C4BPA: variants seen among roughly 807,000 people sequenced by gnomAD.
C4BPA encodes the protein complement component 4 binding protein alpha, also known as C4b-binding protein alpha chain.
Under a neutral mutation model 63.7 loss-of-function variants are expected in C4BPA, and 31 were observed. That is an observed-to-expected ratio of 0.49 (90% CI 0.37 to 0.66). The LOEUF is 0.66. C4BPA is among the 30% of genes least tolerant of loss of function. C4BPA has a pLI of 0.00. For missense variants in C4BPA, 572 were observed against 723.3 expected (o/e 0.79, Z 2.40); for synonymous variants, 259 against 254.7 (o/e 1.02, Z -0.16).
At chr1:207,135,014 G>A (rs1429197154) in intron 9 of C4BPA, among the ~76,000 whole-genome samples, 1 of 152,126 alleles carries the variant, frequency 6.6e-6, no homozygotes, top group Non-Finnish European at 1.5e-5. Context: ...CCATCACCCA[G>A]TGTAGAATGC....
intron 1 of C4BPA, among the ~76,000 whole-genome samples, chr1:207,105,447 C>T (rs1330749131): frequency 6.6e-6 from 1 of 150,446 alleles, no homozygotes; most frequent in East Asian, 2.0e-4. Flanking sequence ...ATCCCAGCTA[C>T]TTGGGAGGCT....
Position 207,124,381 on chromosome 1 carries a change from T to C in C4BPA, c.706+15T>C, listed in dbSNP as rs1374121784. 24 of 1,569,872 alleles carry C rather than the reference T, an allele frequency of 1.5e-5. No individual in the cohort carries two copies. The highest frequency in any genetic ancestry group is 6.7e-5 in the East Asian group (3 of 44,482). ...TACCTGTGAAAGTAAGTCATAATGA[T>C]GAATTCTGCATCAAAATGTTTGCTC... On this transcript the variant is annotated intron_variant, in intron 6 of 11. Coordinates refer to ENST00000367070, the MANE Select transcript of C4BPA (RefSeq NM_000715.4).
At position 207,114,576 on chromosome 1, in the gene C4BPA, C is replaced by T. The variant is rs575945535; in HGVS notation, c.328+291C>T. 1.7e-5 allele frequency: 4 copies of T among 236,632 alleles called. No homozygotes were observed. In the South Asian group the frequency reaches 1.8e-4, roughly 11 times the overall value. The allele number at this position is 236,632 out of a possible 1,614,324, so 14.7% of individuals were successfully genotyped here. ...TGGTGGAATCTTGGCTCCCTGCAAC[C>T]TCTGCCTCCTGGTTTCAAGTGACTC... is the stretch of plus-strand genomic sequence containing the variant. On this transcript the variant is annotated intron_variant, in intron 3 of 11. Coordinates refer to ENST00000367070, the MANE Select transcript of C4BPA (RefSeq NM_000715.4).
rs1684734272 is a variant in C4BPA at position 207,114,284 on chromosome 1, C to G, written c.327C>G (p.Ile109Met). 1.9e-6 allele frequency: 3 copies of G among 1,597,092 alleles called. No homozygotes were observed. In the East Asian group the frequency reaches 6.7e-5, roughly 36 times the overall value. Residue 109 changes from isoleucine to methionine, a missense_variant and splice_region_variant, in exon 3 of 12, where the codon ATC (isoleucine) becomes ATG (methionine). Ile to Met is a conservative substitution (Grantham distance 10). Coordinates refer to ENST00000367070, the MANE Select transcript of C4BPA (RefSeq NM_000715.4). ...AATGGGTGTATAACACCTTCTGTAT[C>G]TGTAAGTATCAACATTTATTTTTTT... ...DGEWVYNTFC[I>M]YKRCRHPGEL...
At chr1:207,111,689 A>ATACAT (rs1684670700) in intron 1 of C4BPA, among the ~76,000 whole-genome samples, 1 of 121,518 alleles carries the variant, frequency 8.2e-6, no homozygotes, top group Non-Finnish European at 1.7e-5. Flanking sequence ...TACCTTAGAT[A>ATACAT]TACATTACAT....
intron 9 of C4BPA, among the ~76,000 whole-genome samples, chr1:207,136,887 G>C (rs962492154): frequency 3.9e-5 from 6 of 152,142 alleles, no homozygotes; most frequent in Admixed American, 3.9e-4. Flanking sequence ...CTGGGAATTA[G>C]GGGCTGCAGT....
chr1:207,126,948 T>C (rs552801990), intron 7 of C4BPA, 53 bp downstream of exon 7: 42 of 1,367,246 alleles, frequency 3.1e-5, no homozygotes, highest in Non-Finnish European at 4.1e-5. Flanking sequence ...AGGTACCCCG[T>C]ACTGTTAATA....
In C4BPA at chr1:207,137,096, T is replaced by C. The variant is rs569414134; in HGVS notation, c.1273+2504T>C. Among the ~76,000 whole-genome samples the C allele has an allele frequency of 5.9e-5, 9 of 152,376 alleles. No homozygotes were observed. In the East Asian group the frequency reaches 9.6e-4, roughly 16 times the overall value. ...TTGCTTTGGCCACTTCTTCAGACTTTACCCTCTTGGGAAGATCCCCATGTA... is the reference window on the plus strand; with the variant it reads ...TTGCTTTGGCCACTTCTTCAGACTTCACCCTCTTGGGAAGATCCCCATGTA... On this transcript the variant is annotated intron_variant, in intron 9 of 11. Transcript: ENST00000367070.
rs757122192 is a variant in C4BPA at position 207,106,441 on chromosome 1, G to GTTTTTTTTTT, written c.-26+2018_-26+2027dup. ...CTGTCTTATTCCTTCCTCCGTGTAA[G>GTTTTTTTTTT]TTTTTTTTTTTTTTTTGAAACGGAG... On this transcript the variant is annotated intron_variant, in intron 1 of 11. Transcript: ENST00000367070. Among the ~76,000 whole-genome samples, 125 of 118,418 alleles carry GTTTTTTTTTT rather than the reference G, an allele frequency of 1.1e-3. 3 individuals are homozygous for GTTTTTTTTTT. Among genetic ancestry groups the GTTTTTTTTTT allele is most frequent in the Middle Eastern group, 4.9e-3 (1 of 206 alleles). 77.7% of individuals were successfully genotyped at this position (118,418 alleles called of 152,430 possible).
At chr1:207,129,648 G>C (rs1276781946) in intron 7 of C4BPA, among the ~76,000 whole-genome samples, 1 of 152,130 alleles carries the variant, frequency 6.6e-6, no homozygotes, top group Non-Finnish European at 1.5e-5. Context: ...AGAAAGAATG[G>C]AGGCTAGAAA....
chr1:207,135,569 T>C (rs1042927718), intron 9 of C4BPA, among the ~76,000 whole-genome samples: 3 of 152,142 alleles, frequency 2.0e-5, no homozygotes, highest in Non-Finnish European at 4.4e-5. Flanking sequence ...TTCAGAGATG[T>C]GAAGCACAAA....
Position 207,113,217 on chromosome 1 carries a change from CT to C in C4BPA, c.142+51del, listed in dbSNP as rs753870406. Reference sequence around the variant, plus strand: ...ATCAGCAACAAACAATGAAGATCATCTGTGCATTCACTTTTAAGGCTAAAAA... The same window carrying C: ...ATCAGCAACAAACAATGAAGATCATCGTGCATTCACTTTTAAGGCTAAAAA... On this transcript the variant is annotated intron_variant, in intron 2 of 11. Coordinates refer to ENST00000367070, the MANE Select transcript of C4BPA (RefSeq NM_000715.4). 5 of 1,582,122 alleles carry C rather than the reference CT, an allele frequency of 3.2e-6. No homozygotes were observed. The African/African-American group carries it at 6.9e-5, about 22-fold the overall frequency.
intron 9 of C4BPA, 28 bp from the exon 10 acceptor site, chr1:207,141,076 GCT>G: frequency 6.3e-7 from 1 of 1,577,024 alleles, no homozygotes; most frequent in Non-Finnish European, 8.7e-7. Context: ...ACAAACTAAT[GCT>G]CTCTCACTTT....
chr1:207,122,204 T>C (rs1684934861), intron 4 of C4BPA, among the ~76,000 whole-genome samples: 1 of 152,142 alleles, frequency 6.6e-6, no homozygotes, highest in East Asian at 1.9e-4. Flanking sequence ...CTATGGTGGT[T>C]TCCAAAAAAA....
chr1:207,137,549 A>T (rs949710111), intron 9 of C4BPA, among the ~76,000 whole-genome samples: 1 of 152,228 alleles, frequency 6.6e-6, no homozygotes, highest in Non-Finnish European at 1.5e-5. Context: ...TATTATCAGA[A>T]GAAAGGAATA....
intron 3 of C4BPA, 26 bp from the exon 4 acceptor site, chr1:207,115,390 A>C: frequency 7.9e-7 from 1 of 1,263,810 alleles, no homozygotes; most frequent in Non-Finnish European, 1.1e-6. Context: ...TGGAAGTACT[A>C]ATCATCATTT....
chr1:207,143,783 T>G (rs763343030), intron 10 of C4BPA, 35 bp from the exon 11 acceptor site: 20 of 1,466,800 alleles, frequency 1.4e-5, no homozygotes, highest in Non-Finnish European at 1.9e-5. Flanking sequence ...TCTTCATAGA[T>G]TTACAGATTT....
chr1:207,126,097 G>T (rs911698074), intron 6 of C4BPA, among the ~76,000 whole-genome samples: 1 of 151,986 alleles, frequency 6.6e-6, no homozygotes, highest in Non-Finnish European at 1.5e-5. Context: ...GGGGGCCTTG[G>T]AAATATGTTT....
intron 4 of C4BPA, among the ~76,000 whole-genome samples, chr1:207,122,569 A>T (rs759846954): frequency 3.3e-5 from 5 of 152,110 alleles, no homozygotes; most frequent in Non-Finnish European, 5.9e-5. Context: ...AGTAACATTT[A>T]CTTGAAATAT....
Sources: allele counts gnomAD v4.1 joint callset (sites outside exome capture counted in the v4.1 genomes callset), GRCh38; gene constraint gnomAD v4.1.1; transcripts MANE v1.5; gene names NCBI Gene and HGNC (gene_info 2026-07-23, HGNC 2026-07-21).